Variants in ENOX1 observed in about 807,000 individuals in gnomAD.
The protein encoded by ENOX1 is candidate growth-related and time keeping constitutive hydroquinone (NADH) oxidase.
ENOX1 carries 42 observed loss-of-function variants against 82.5 expected under a neutral mutation model. That is an observed-to-expected ratio of 0.51 (90% confidence interval 0.40 to 0.66). The LOEUF is 0.66. ENOX1 is among the 30% of genes least tolerant of loss of function. ENOX1 has a pLI of 0.00. For synonymous variants in ENOX1, 271 were observed against 282.2 expected, an observed-to-expected ratio of 0.96 and a Z score of 0.40; for missense variants, 608 against 811.6, an observed-to-expected ratio of 0.75 and a Z score of 3.05.
chr13:43,363,302 G>A (rs1481374934), intron 5 of ENOX1, among the ~76,000 whole-genome samples: 1 of 151,946 alleles, frequency 6.6e-6, no homozygotes, highest in Non-Finnish European at 1.5e-5. Context: ...TCAGAATGAG[G>A]GCCCAGGTCT....
At chr13:43,686,289 T>A (rs1328281559) in intron 1 of ENOX1, among the ~76,000 whole-genome samples, 3 of 152,084 alleles carry the variant, frequency 2.0e-5, no homozygotes, top group Non-Finnish European at 4.4e-5. Flanking sequence ...CTCATTCAAG[T>A]CTCCCCTGTT....
chr13:43,571,882 C>T (rs1257553185), intron 2 of ENOX1, among the ~76,000 whole-genome samples: 1 of 151,968 alleles, frequency 6.6e-6, no homozygotes, highest in Non-Finnish European at 1.5e-5. Flanking sequence ...ATATATCAGA[C>T]AAGCGGTGGG....
chr13:43,271,656 CTTCT>C (rs1192160190), intron 12 of ENOX1, among the ~76,000 whole-genome samples: 3 of 147,230 alleles, frequency 2.0e-5, no homozygotes, highest in Non-Finnish European at 4.5e-5. Context: ...ACAACTCTTC[CTTCT>C]ATTAAAACAC....
At chr13:43,695,320 T>A (rs1416584557) in intron 1 of ENOX1, among the ~76,000 whole-genome samples, 3 of 152,074 alleles carry the variant, frequency 2.0e-5, no homozygotes, top group Non-Finnish European at 4.4e-5. Flanking sequence ...ACCTAACCTC[T>A]CTGAGCCTTG....
At chr13:43,713,121 A>C (rs1301477018) in intron 1 of ENOX1, among the ~76,000 whole-genome samples, 1 of 152,128 alleles carries the variant, frequency 6.6e-6, no homozygotes, top group Non-Finnish European at 1.5e-5. Flanking sequence ...TTTTAGCATG[A>C]AGGGTTGTTG....
intron 15 of ENOX1, among the ~76,000 whole-genome samples, chr13:43,230,774 T>C (rs936919838): frequency 6.6e-6 from 1 of 152,178 alleles, no homozygotes; most frequent in South Asian, 2.1e-4. Context: ...CTCCTTTGCA[T>C]CCTTATACAA....
chr13:43,614,254 A>C (rs576684980), intron 2 of ENOX1, among the ~76,000 whole-genome samples: 4 of 152,206 alleles, frequency 2.6e-5, no homozygotes, highest in Non-Finnish European at 5.9e-5. Flanking sequence ...GAAACACAAA[A>C]AACACTGGAT....
At chr13:43,342,207 T>G (rs74949312) in intron 9 of ENOX1, among the ~76,000 whole-genome samples, 1 of 152,148 alleles carries the variant, frequency 6.6e-6, no homozygotes, top group East Asian at 1.9e-4. Context: ...GTTACTCACA[T>G]GTGGATGCCG....
At chr13:43,498,449 C>A (rs916527431) in intron 2 of ENOX1, among the ~76,000 whole-genome samples, 1 of 151,918 alleles carries the variant, frequency 6.6e-6, no homozygotes, top group African/African-American at 2.4e-5. Context: ...CAGAAGCCAA[C>A]CTTAAAGCGC....
chr13:43,627,418 A>G (rs1206744526), intron 2 of ENOX1, among the ~76,000 whole-genome samples: 1 of 152,004 alleles, frequency 6.6e-6, no homozygotes, highest in East Asian at 1.9e-4. Context: ...TGTATTTCTT[A>G]TATTTTAATG....
At chr13:43,238,431 T>A (rs1224005045) in intron 14 of ENOX1, among the ~76,000 whole-genome samples, 1 of 152,226 alleles carries the variant, frequency 6.6e-6, no homozygotes, top group Non-Finnish European at 1.5e-5. Flanking sequence ...GATTAGGCAC[T>A]TTCTCCATTG....
intron 2 of ENOX1, among the ~76,000 whole-genome samples, chr13:43,589,779 A>T (rs188979333): frequency 6.6e-6 from 1 of 152,242 alleles, no homozygotes; most frequent in East Asian, 1.9e-4. Context: ...GTGCACTGGG[A>T]TCACAGGCAT....
chr13:43,284,710 A>C (rs1478432996), intron 12 of ENOX1, among the ~76,000 whole-genome samples: 1 of 152,116 alleles, frequency 6.6e-6, no homozygotes, highest in South Asian at 2.1e-4. Flanking sequence ...ACAAAGTTCA[A>C]ATATACTTTC....
intron 2 of ENOX1, among the ~76,000 whole-genome samples, chr13:43,599,214 A>G (rs1001153636): frequency 4.6e-5 from 7 of 152,130 alleles, no homozygotes; most frequent in African/African-American, 1.7e-4. Context: ...AGAACCAAAA[A>G]TCACAGTACC....
intron 8 of ENOX1, among the ~76,000 whole-genome samples, 198 bp downstream of exon 8, chr13:43,355,721 T>A (rs1376263490): frequency 6.6e-6 from 1 of 152,212 alleles, no homozygotes; most frequent in Non-Finnish European, 1.5e-5. Flanking sequence ...CCCAGGTGTC[T>A]GCAGCTTCCA....
chr13:43,426,164 C>A (rs769252723), intron 3 of ENOX1, among the ~76,000 whole-genome samples: 5 of 152,036 alleles, frequency 3.3e-5, no homozygotes, highest in African/African-American at 1.2e-4. Context: ...AGTTCAGGAT[C>A]GAATGCCATT....
intron 14 of ENOX1, among the ~76,000 whole-genome samples, chr13:43,236,963 A>G (rs1362238373): frequency 6.6e-6 from 1 of 152,264 alleles, no homozygotes; most frequent in Non-Finnish European, 1.5e-5. Flanking sequence ...AATTCTCTGC[A>G]CAAGTGGCAA....
intron 2 of ENOX1, among the ~76,000 whole-genome samples, chr13:43,600,229 C>A (rs549422860): frequency 1.2e-4 from 18 of 152,292 alleles, no homozygotes; most frequent in African/African-American, 4.1e-4. Context: ...CATGCTGGCT[C>A]TTGTGGTTCT....
intron 2 of ENOX1, among the ~76,000 whole-genome samples, chr13:43,639,516 T>C (rs941506495): frequency 6.6e-6 from 1 of 152,112 alleles, no homozygotes; most frequent in African/African-American, 2.4e-5. Flanking sequence ...TAGACCTGGA[T>C]TGAAATAAAA....
Sources: allele counts gnomAD v4.1 joint callset (sites outside exome capture counted in the v4.1 genomes callset), GRCh38; gene constraint gnomAD v4.1.1; transcripts MANE v1.5; gene names NCBI Gene and HGNC (gene_info 2026-07-23, HGNC 2026-07-21).